The following WWOX variants were observed in gnomAD, a reference collection of about 807,000 sequenced individuals.
WWOX encodes the protein WW domain containing oxidoreductase.
A neutral mutation model predicts 46.2 loss-of-function variants in WWOX; 69 were observed. The observed-to-expected ratio is 1.49, with a 90% CI of 1.23 to 1.82. The LOEUF is 1.82. Among genes scored for constraint, WWOX ranks in the 40% most tolerant of loss-of-function variants. WWOX has a pLI of 0.00. For synonymous variants in WWOX, 359 were observed against 202.6 expected, an observed-to-expected ratio of 1.77 and a Z score of -6.56; for missense variants, 919 against 542.6, an observed-to-expected ratio of 1.69 and a Z score of -6.89.
chr16:79,163,757 A>G lies in WWOX; in HGVS notation c.1057-47851A>G, dbSNP rs552084034. Reference sequence around the variant, plus strand: ...GGTTGCAGTGAGCTGAGATCGTGCCATTGCACTCTGGCCTGGGCAACGAGC... The same window carrying G: ...GGTTGCAGTGAGCTGAGATCGTGCCGTTGCACTCTGGCCTGGGCAACGAGC... On this transcript the variant is annotated intron_variant, in intron 8 of 8. Coordinates refer to ENST00000566780, the MANE Select transcript of WWOX (RefSeq NM_016373.4). Among the ~76,000 whole-genome samples, 9 of 145,764 alleles carry G rather than the reference A, an allele frequency of 6.2e-5. No homozygotes were observed. The East Asian group carries it at 1.8e-3, about 29-fold the overall frequency.
rs562348464 is a variant in WWOX at position 78,868,750 on chromosome 16, T to C, written c.1057-342858T>C. ...GCCATTCATAGGCTCTGGCTCACTA[T>C]ATATGTCTAAAATTCACATGCCCCT... On this transcript the variant is annotated intron_variant, in intron 8 of 8. Transcript: ENST00000566780. Among the ~76,000 whole-genome samples the C allele has an allele frequency of 3.9e-5, 6 of 152,334 alleles. No individual in the cohort carries two copies. In the South Asian group the frequency reaches 1.2e-3, roughly 32 times the overall value.
In WWOX at chr16:79,211,676, C is replaced by G; in HGVS notation, c.1125C>G (p.Tyr375Ter). The change falls in exon 9 of 9, where the codon TAC becomes TAG. Residue 375 changes from tyrosine (Y) to a stop codon, truncating the protein, a stop_gained. Transcript: ENST00000566780. LOFTEE classifies it high-confidence loss of function. ...AACTGGAGGGTCTGGGAGGGATGTACTTCAACAACTGCTGCCGCTGCATGC... is the reference window on the plus strand; with the variant it reads ...AACTGGAGGGTCTGGGAGGGATGTAGTTCAACAACTGCTGCCGCTGCATGC... ...VPELEGLGGM[Y>*]FNNCCRCMPS... 6.2e-7 allele frequency: 1 copy of G among 1,614,222 alleles called. No homozygotes were observed. The highest frequency in any genetic ancestry group is 8.5e-7 in the Non-Finnish European group (1 of 1,180,048).
chr16:78,557,998 CT>C (rs1157683673), intron 8 of WWOX, among the ~76,000 whole-genome samples: 1 of 152,100 alleles, frequency 6.6e-6, no homozygotes, highest in African/African-American at 2.4e-5. Context: ...TACACTGCTG[CT>C]TTTTCAGAGC....
chr16:78,792,438 G>C (rs1196962221), intron 8 of WWOX, among the ~76,000 whole-genome samples: 3 of 152,164 alleles, frequency 2.0e-5, no homozygotes, highest in African/African-American at 2.4e-5. Flanking sequence ...TTCTGGGCCA[G>C]AGCAAATCAT....
intron 8 of WWOX, among the ~76,000 whole-genome samples, chr16:79,133,303 C>T (rs1473211587): frequency 6.6e-6 from 1 of 152,192 alleles, no homozygotes; most frequent in African/African-American, 2.4e-5. Context: ...CAATGAGACG[C>T]CACTTAACAA....
chr16:78,542,268 A>C (rs2043917068), intron 8 of WWOX, among the ~76,000 whole-genome samples: 1 of 152,026 alleles, frequency 6.6e-6, no homozygotes, highest in Non-Finnish European at 1.5e-5. Flanking sequence ...CATTTTCCTG[A>C]CTGTAGATAC....
At chr16:78,924,466 C>G (rs116238871) in intron 8 of WWOX, among the ~76,000 whole-genome samples, 2,523 of 152,294 alleles carry the variant, frequency 0.017, 23 homozygotes, top group African/African-American at 0.033. Flanking sequence ...AAATATCTCA[C>G]TTAAAACTTG....
chr16:79,091,775 C>CTTTTTTTT (rs771753213), intron 8 of WWOX, among the ~76,000 whole-genome samples: 5 of 126,854 alleles, frequency 3.9e-5, no homozygotes, highest in Admixed American at 1.6e-4. Flanking sequence ...CTTTTCTTTT[C>CTTTTTTTT]TTTGTTTTTT....
chr16:78,523,327 C>G (rs9928787), intron 8 of WWOX, among the ~76,000 whole-genome samples: 39,465 of 152,132 alleles, frequency 0.26, 6,498 homozygotes, highest in African/African-American at 0.45. Context: ...TAAACTGGAT[C>G]CCCTGCTGTA....
intron 8 of WWOX, among the ~76,000 whole-genome samples, chr16:79,006,078 C>T (rs2047184621): frequency 6.6e-6 from 1 of 152,178 alleles, no homozygotes; most frequent in Admixed American, 6.5e-5. Flanking sequence ...AAGGCATGGT[C>T]ACTGCGCTAG....
intron 5 of WWOX, among the ~76,000 whole-genome samples, chr16:78,309,209 A>T (rs774249064): frequency 2.0e-5 from 3 of 152,148 alleles, no homozygotes; most frequent in Non-Finnish European, 4.4e-5. Context: ...ATTGAATCAT[A>T]TACTCCCGAT....
At chr16:79,093,888 C>T (rs2049015088) in intron 8 of WWOX, among the ~76,000 whole-genome samples, 2 of 152,170 alleles carry the variant, frequency 1.3e-5, no homozygotes, top group South Asian at 2.1e-4. Context: ...ACCGCAGCTT[C>T]CTGGCCACTT....
At chr16:78,976,942 G>A (rs140123138) in intron 8 of WWOX, among the ~76,000 whole-genome samples, 1 of 152,198 alleles carries the variant, frequency 6.6e-6, no homozygotes, top group Non-Finnish European at 1.5e-5. Flanking sequence ...GGAAGTAACT[G>A]GCTTAGATTT....
intron 8 of WWOX, among the ~76,000 whole-genome samples, chr16:78,729,619 G>T (rs1317393193): frequency 6.6e-6 from 1 of 152,096 alleles, no homozygotes; most frequent in Non-Finnish European, 1.5e-5. Flanking sequence ...CAGGGCCTCT[G>T]GAGGAAGCAC....
At chr16:78,158,933 TC>T (rs2034693520) in intron 4 of WWOX, among the ~76,000 whole-genome samples, 2 of 152,120 alleles carry the variant, frequency 1.3e-5, no homozygotes, top group African/African-American at 4.8e-5. Context: ...CCTCCTTGTT[TC>T]TCTCTCCCCT....
intron 8 of WWOX, among the ~76,000 whole-genome samples, chr16:79,097,549 T>C (rs1194954310): frequency 6.6e-6 from 1 of 152,148 alleles, no homozygotes; most frequent in Non-Finnish European, 1.5e-5. Context: ...GTCTTTTGTT[T>C]GTATTAGGAA....
intron 8 of WWOX, among the ~76,000 whole-genome samples, chr16:78,964,989 T>A (rs2046338412): frequency 6.6e-6 from 1 of 152,176 alleles, no homozygotes; most frequent in Non-Finnish European, 1.5e-5. Flanking sequence ...TTTGGGAACC[T>A]CTGCCTAGTT....
At chr16:78,171,285 G>A (rs988551986) in intron 5 of WWOX, among the ~76,000 whole-genome samples, 3 of 152,074 alleles carry the variant, frequency 2.0e-5, no homozygotes, top group Admixed American at 6.6e-5. Context: ...TAAATTGCTC[G>A]CACTTTTAAA....
At chr16:78,245,155 G>C (rs2037777222) in intron 5 of WWOX, among the ~76,000 whole-genome samples, 1 of 152,152 alleles carries the variant, frequency 6.6e-6, no homozygotes, top group Admixed American at 6.5e-5. Flanking sequence ...ATGGATAATA[G>C]TTTCTTTTCT....
Sources: gnomAD v4.1 joint callset for allele counts (sites outside exome capture counted in the v4.1 genomes callset) on GRCh38, gnomAD v4.1.1 for gene constraint, MANE v1.5 for transcripts, NCBI Gene and HGNC (gene_info 2026-07-23, HGNC 2026-07-21) for gene names.